OSBP2: variants seen among roughly 807,000 people sequenced by gnomAD.
OSBP2 encodes the protein oxysterol binding protein 2.
In OSBP2, 66 loss-of-function variants were observed where a neutral mutation model predicts 96.0. The ratio of observed to expected loss-of-function variants is 0.69; its 90% CI spans 0.56 to 0.84. The LOEUF (loss-of-function observed/expected upper bound fraction) is 0.84. Among genes scored for constraint, OSBP2 ranks in the 40% least tolerant of loss-of-function variants. The pLI, the probability that OSBP2 is intolerant of heterozygous loss-of-function variation, is 0.00. For missense variants in OSBP2, 1,038 were observed against 1,222.7 expected (o/e 0.85, Z 2.25); for synonymous variants, 525 against 520.9 (o/e 1.01, Z -0.11).
At position 30,870,967 on chromosome 22, in the gene OSBP2, G is replaced by C. The variant is rs1296697638; in HGVS notation, c.1107+285G>C. Among the ~76,000 whole-genome samples the C allele has an allele frequency of 6.6e-6, 1 of 152,188 alleles. No individual in the cohort carries two copies. The highest frequency in any genetic ancestry group is 1.5e-5 in the Non-Finnish European group (1 of 68,046). On this transcript the variant is annotated intron_variant, in intron 3 of 13. Coordinates refer to ENST00000332585, the MANE Select transcript of OSBP2 (RefSeq NM_030758.4). The surrounding 1 kb of genome is among the most constrained non-coding windows in gnomAD (Gnocchi z 4.1). ...ATTTACTTCATGCCTCGATAAGGAA[G>C]GTCGGGGCCCCAAGTTAAGTAGCTA...
intron 1 of OSBP2, among the ~76,000 whole-genome samples, chr22:30,720,073 T>A (rs1264824473): frequency 6.6e-6 from 1 of 152,220 alleles, no homozygotes; most frequent in Admixed American, 6.5e-5. Context: ...CCGTGCAACC[T>A]CTGTCCTCAT....
intron 5 of OSBP2, 124 bp from the exon 6 acceptor site, chr22:30,889,053 A>G (rs2039883088): frequency 1.3e-6 from 1 of 775,904 alleles, no homozygotes; most frequent in Non-Finnish European, 2.1e-6. Flanking sequence ...TACACACAGA[A>G]CACACGGCAG....
chr22:30,886,434 T>C (rs2039811687), intron 3 of OSBP2, among the ~76,000 whole-genome samples: 1 of 152,220 alleles, frequency 6.6e-6, no homozygotes, highest in Non-Finnish European at 1.5e-5. Flanking sequence ...AGACAATAGA[T>C]GACAAATGTT....
At chr22:30,776,885 T>G (rs752100839) in intron 2 of OSBP2, among the ~76,000 whole-genome samples, 1 of 152,214 alleles carries the variant, frequency 6.6e-6, no homozygotes, top group Non-Finnish European at 1.5e-5. Flanking sequence ...GTGACCTGGA[T>G]GTGAGACCTG....
intron 2 of OSBP2, among the ~76,000 whole-genome samples, chr22:30,845,747 T>G (rs1182748085): frequency 6.6e-6 from 1 of 151,782 alleles, no homozygotes; most frequent in African/African-American, 2.4e-5. Context: ...CCAGGTGTGG[T>G]GGCACGTGCC....
intron 1 of OSBP2, among the ~76,000 whole-genome samples, chr22:30,719,990 T>C (rs1326878322): frequency 6.6e-6 from 1 of 152,144 alleles, no homozygotes; most frequent in Non-Finnish European, 1.5e-5. Flanking sequence ...AGAGCAAACC[T>C]CTAAGATAAG....
At chr22:30,838,223 C>T (rs1363510180) in intron 2 of OSBP2, among the ~76,000 whole-genome samples, 2 of 152,080 alleles carry the variant, frequency 1.3e-5, no homozygotes, top group Admixed American at 6.6e-5. Context: ...CATGCACATC[C>T]CGAGCATGCA....
chr22:30,702,790 A>G (rs2089185289), intron 1 of OSBP2, among the ~76,000 whole-genome samples: 1 of 152,208 alleles, frequency 6.6e-6, no homozygotes, highest in African/African-American at 2.4e-5. Context: ...TTCTCTGCAG[A>G]TAACTTTGTG....
chr22:30,873,223 G>A (rs1290305726), intron 3 of OSBP2, among the ~76,000 whole-genome samples: 1 of 152,180 alleles, frequency 6.6e-6, no homozygotes, highest in Non-Finnish European at 1.5e-5. Context: ...TGCAAGAGAA[G>A]TGATGGCCCT....
intron 3 of OSBP2, among the ~76,000 whole-genome samples, chr22:30,873,358 C>A (rs993454150): frequency 2.8e-4 from 42 of 152,280 alleles, no homozygotes; most frequent in African/African-American, 9.9e-4. Context: ...TGGGCGGGAT[C>A]CCAACCTCAA....
intron 1 of OSBP2, among the ~76,000 whole-genome samples, chr22:30,710,481 G>C (rs1190322594): frequency 6.6e-6 from 1 of 152,122 alleles, no homozygotes; most frequent in Non-Finnish European, 1.5e-5. Context: ...TCTTTAGTTA[G>C]TGGAAGTCTC....
chr22:30,871,098 G>A lies in OSBP2; in HGVS notation c.1107+416G>A, dbSNP rs143383623. ...GGTTCACTCCCCAGATGCAGTGGGA[G>A]CAGACGCTGTGCACAACAAGGGGAG... On this transcript the variant is annotated intron_variant, in intron 3 of 13. Transcript: ENST00000332585. This position sits in a 1 kb window ranked among gnomAD's most constrained non-coding sequence, Gnocchi z 4.7. Among the ~76,000 whole-genome samples, 32 of 152,288 alleles carry A rather than the reference G, an allele frequency of 2.1e-4. No individual in the cohort carries two copies. The highest frequency in any genetic ancestry group is 1.2e-3 in the Admixed American group (19 of 15,304).
At position 30,890,746 on chromosome 22, in the gene OSBP2, C is replaced by G; in HGVS notation, c.1642C>G (p.Leu548Val). ...CCCACAGGTGAACTTCAATGAGCCC[C>G]TGTCCATGCTCCAGCGGCTGACAGA... ...IPMPVNFNEP[L>V]SMLQRLTEDL... The change falls in exon 8 of 14, where the codon CTG (leucine) becomes GTG (valine). Residue 548 changes from leucine to valine, a missense_variant. Physicochemically the swap from Leu to Val is conservative, Grantham distance 32. Transcript: ENST00000332585. This position sits in a 1 kb window ranked among gnomAD's most constrained non-coding sequence, Gnocchi z 4.4. The G allele has an allele frequency of 6.2e-7, 1 of 1,612,930 alleles. No individual in the cohort carries two copies.
intron 2 of OSBP2, among the ~76,000 whole-genome samples, chr22:30,754,719 G>A (rs1486017486): frequency 1.3e-5 from 2 of 152,220 alleles, no homozygotes; most frequent in East Asian, 1.9e-4. Context: ...CTCATCTTGG[G>A]GTCTCCATGT....
chr22:30,776,546 C>T (rs569556135), intron 2 of OSBP2, among the ~76,000 whole-genome samples: 4 of 151,734 alleles, frequency 2.6e-5, no homozygotes, highest in Non-Finnish European at 5.9e-5. Context: ...GGCAATATTT[C>T]TCTACTATCA....
chr22:30,772,793 ATTTTT>A (rs136323), intron 2 of OSBP2, among the ~76,000 whole-genome samples: 1 of 139,358 alleles, frequency 7.2e-6, no homozygotes, highest in Non-Finnish European at 1.6e-5. Flanking sequence ...TGTTAAACGC[ATTTTT>A]TTTTTTTTTT....
intron 2 of OSBP2, among the ~76,000 whole-genome samples, chr22:30,804,681 A>T (rs2090901945): frequency 6.6e-6 from 1 of 152,192 alleles, no homozygotes; most frequent in Non-Finnish European, 1.5e-5. Flanking sequence ...TGCGCATCTG[A>T]CATATACTTG....
At chr22:30,713,555 G>A (rs2089395133) in intron 1 of OSBP2, among the ~76,000 whole-genome samples, 1 of 151,760 alleles carries the variant, frequency 6.6e-6, no homozygotes, top group African/African-American at 2.4e-5. Context: ...CAACCTCCCA[G>A]GCTCAAGTGA....
At chr22:30,866,110 C>T (rs1389324918) in intron 2 of OSBP2, among the ~76,000 whole-genome samples, 1 of 152,208 alleles carries the variant, frequency 6.6e-6, no homozygotes, top group Admixed American at 6.5e-5. Context: ...CAAGAAATGG[C>T]TCCCAAAGAT....
Sources: gnomAD v4.1 joint callset for allele counts (sites outside exome capture counted in the v4.1 genomes callset) on GRCh38, gnomAD v4.1.1 for gene constraint, Gnocchi (gnomAD v3.1) non-coding constraint, MANE v1.5 for transcripts, NCBI Gene and HGNC (gene_info 2026-07-23, HGNC 2026-07-21) for gene names.